CACNB2: variants seen among roughly 807,000 people sequenced by gnomAD.
The protein encoded by CACNB2 is voltage-dependent L-type calcium channel subunit beta-2.
In CACNB2, 42 loss-of-function variants were observed where a neutral mutation model predicts 73.3. The observed-to-expected ratio is 0.57, with a 90% CI of 0.45 to 0.74. CACNB2 has a LOEUF of 0.74. Ranked by LOEUF, CACNB2 falls within the 30% of genes least tolerant of loss-of-function variation. The pLI is 0.00. For missense variants in CACNB2, 940 were observed against 853.0 expected, an observed-to-expected ratio of 1.10 and a Z score of -1.27; for synonymous variants, 348 against 310.3, an observed-to-expected ratio of 1.12 and a Z score of -1.28.
intron 2 of CACNB2, among the ~76,000 whole-genome samples, chr10:18,294,880 C>T (rs2039213154): frequency 6.6e-6 from 1 of 152,170 alleles, no homozygotes; most frequent in South Asian, 2.1e-4. Flanking sequence ...CTGTTCAAAT[C>T]CCCAGAGAAT....
intron 2 of CACNB2, among the ~76,000 whole-genome samples, chr10:18,162,365 G>A (rs999032408): frequency 2.0e-5 from 3 of 152,066 alleles, no homozygotes; most frequent in African/African-American, 7.2e-5. Flanking sequence ...CCCTGCTGTG[G>A]AATTATTACT....
At position 18,259,786 on chromosome 10, in the gene CACNB2, C is replaced by T. The variant is rs115836121; in HGVS notation, c.213+108811C>T. Among the ~76,000 whole-genome samples the T allele has an allele frequency of 5.7e-3, 862 of 150,406 alleles. 6 individuals carry two copies. The highest frequency in any genetic ancestry group is 0.019 in the African/African-American group (797 of 40,936). ...GGTGTGGTGGCATGCACCTACAATT[C>T]TAGCTACTTGGGAGTCGGAGGTGGG... On this transcript the variant is annotated intron_variant, in intron 2 of 13. Transcript: ENST00000324631.
At chr10:18,177,676 A>G (rs778157227) in intron 2 of CACNB2, among the ~76,000 whole-genome samples, 6 of 152,168 alleles carry the variant, frequency 3.9e-5, no homozygotes, top group Non-Finnish European at 4.4e-5. Context: ...AAGCGGCTCC[A>G]TCTTGGTAGG....
intron 2 of CACNB2, among the ~76,000 whole-genome samples, chr10:18,386,675 G>A (rs1400384441): frequency 3.3e-5 from 5 of 151,966 alleles, no homozygotes; most frequent in Non-Finnish European, 5.9e-5. Context: ...CAAAGTCCTG[G>A]GATTACAGGC....
At chr10:18,420,384 C>T (rs993964823) in intron 3 of CACNB2, among the ~76,000 whole-genome samples, 1 of 151,912 alleles carries the variant, frequency 6.6e-6, no homozygotes, top group Non-Finnish European at 1.5e-5. Context: ...GAAATTGGTG[C>T]ACATGATTAT....
chr10:18,523,620 T>C (rs17693549), intron 9 of CACNB2, among the ~76,000 whole-genome samples: 19,170 of 152,174 alleles, frequency 0.13, 1,501 homozygotes, highest in Middle Eastern at 0.24. Context: ...AACGAGTCCA[T>C]AAGGCAGAAT....
intron 2 of CACNB2, among the ~76,000 whole-genome samples, chr10:18,250,136 TA>T (rs2037030676): frequency 1.3e-5 from 2 of 152,208 alleles, no homozygotes; most frequent in Admixed American, 1.3e-4. Context: ...CCTTCTCTCT[TA>T]TCTGAACTAT....
At chr10:18,320,097 AC>A (rs148913230) in intron 2 of CACNB2, among the ~76,000 whole-genome samples, 10,931 of 151,752 alleles carry the variant, frequency 0.072, 583 homozygotes, top group Non-Finnish European at 0.11. Flanking sequence ...TTTCATGCCG[AC>A]CCCGCCACCC....
chr10:18,237,430 C>T (rs1036223332), intron 2 of CACNB2, among the ~76,000 whole-genome samples: 1 of 152,124 alleles, frequency 6.6e-6, no homozygotes, highest in African/African-American at 2.4e-5. Flanking sequence ...GGGGCAGATG[C>T]ATCTACAAGC....
At chr10:18,336,118 C>T (rs1207423268) in intron 2 of CACNB2, among the ~76,000 whole-genome samples, 2 of 152,126 alleles carry the variant, frequency 1.3e-5, no homozygotes, top group Non-Finnish European at 2.9e-5. Context: ...TGTTTCCAAA[C>T]TTTCAGAACA....
chr10:18,152,749 A>G, intron 2 of CACNB2, among the ~76,000 whole-genome samples: 1 of 144,230 alleles, frequency 6.9e-6, no homozygotes, highest in South Asian at 2.3e-4. Context: ...ACAAAACACT[A>G]GCTCCTTAGT....
At chr10:18,261,130 G>T in intron 2 of CACNB2, 1 of 1,515,108 alleles carries the variant, frequency 6.6e-7, no homozygotes. Flanking sequence ...AACTACCTAG[G>T]AGGCAGAAGC....
chr10:18,293,560 T>C (rs1403647042), intron 2 of CACNB2, among the ~76,000 whole-genome samples: 1 of 152,242 alleles, frequency 6.6e-6, no homozygotes, highest in East Asian at 1.9e-4. Context: ...GACTCTACCC[T>C]TGGGTTGGGT....
intron 2 of CACNB2, among the ~76,000 whole-genome samples, chr10:18,364,730 T>C (rs935988333): frequency 1.2e-4 from 18 of 152,238 alleles, no homozygotes; most frequent in Non-Finnish European, 1.8e-4. Flanking sequence ...GTTTCTTTTG[T>C]GTGTATCAAT....
chr10:18,204,638 CT>C, intron 2 of CACNB2, among the ~76,000 whole-genome samples: 1 of 152,314 alleles, frequency 6.6e-6, no homozygotes, highest in East Asian at 1.9e-4. Flanking sequence ...CATTTAACCT[CT>C]GGATTTAGTG....
intron 3 of CACNB2, among the ~76,000 whole-genome samples, chr10:18,430,487 G>A (rs1272304459): frequency 6.6e-6 from 1 of 152,068 alleles, no homozygotes; most frequent in Non-Finnish European, 1.5e-5. Context: ...TTAATTAACT[G>A]GGTGTGGTGG....
At chr10:18,481,464 C>G (rs1325451157) in intron 3 of CACNB2, among the ~76,000 whole-genome samples, 1 of 150,888 alleles carries the variant, frequency 6.6e-6, no homozygotes, top group African/African-American at 2.4e-5. Context: ...CCAGGCTGGT[C>G]TCAAACTCCT....
intron 2 of CACNB2, among the ~76,000 whole-genome samples, chr10:18,314,251 AAAGT>A (rs1221461874): frequency 2.0e-5 from 3 of 152,240 alleles, no homozygotes; most frequent in African/African-American, 7.2e-5. Flanking sequence ...GATTCGGGGA[AAAGT>A]AAGAGCTGTA....
chr10:18,398,672 CACACACACACACACACACAT>C (rs974026149), intron 2 of CACNB2, among the ~76,000 whole-genome samples: 9 of 127,084 alleles, frequency 7.1e-5, no homozygotes, highest in South Asian at 2.7e-4. Context: ...GACTGTCACA[CACACACACACACACACACAT>C]ACACACACAC....
Sources: gnomAD v4.1 joint callset for allele counts (sites outside exome capture counted in the v4.1 genomes callset) on GRCh38, gnomAD v4.1.1 for gene constraint, MANE v1.5 for transcripts, NCBI Gene and HGNC (gene_info 2026-07-23, HGNC 2026-07-21) for gene names.